The following HEMK2 variants were observed in gnomAD, a reference collection of about 807,000 sequenced individuals.
HEMK2 encodes HemK methyltransferase 2, ETF1 glutamine and histone H4 lysine.
the HEMK2 span, among the ~76,000 whole-genome samples, chr21:28,584,124 T>C: frequency 2.6e-5 from 4 of 152,146 alleles, no homozygotes; most frequent in South Asian, 2.1e-4. Flanking sequence ...TCAAAAATAT[T>C]CCAATTTTGC....
At chr21:28,606,194 G>T in the HEMK2 span, among the ~76,000 whole-genome samples, 1 of 152,046 alleles carries the variant, frequency 6.6e-6, no homozygotes, top group South Asian at 2.1e-4. Flanking sequence ...CAAGCCCCAA[G>T]CATTCAAAAT....
the HEMK2 span, among the ~76,000 whole-genome samples, chr21:28,734,384 C>T: frequency 2.0e-5 from 3 of 152,126 alleles, no homozygotes; most frequent in Non-Finnish European, 4.4e-5. Context: ...CTGCTTTCAA[C>T]TATAATCAGA....
chr21:28,608,292 A>G, the HEMK2 span, among the ~76,000 whole-genome samples: 1 of 152,154 alleles, frequency 6.6e-6, no homozygotes, highest in South Asian at 2.1e-4. Flanking sequence ...CCAATTTTAA[A>G]ATTTTCACTT....
chr21:28,721,937 CATA>C, the HEMK2 span, among the ~76,000 whole-genome samples: 2 of 131,646 alleles, frequency 1.5e-5, no homozygotes, highest in East Asian at 2.6e-4. Context: ...CACACACACA[CATA>C]CACCTATTTG....
chr21:28,870,009 A>G, the HEMK2 span, among the ~76,000 whole-genome samples: 23 of 151,594 alleles, frequency 1.5e-4, no homozygotes, highest in African/African-American at 5.3e-4. Context: ...AGTCATCCTT[A>G]CCTCCTCTCA....
At chr21:28,584,377 GAC>G in the HEMK2 span, among the ~76,000 whole-genome samples, 2 of 152,100 alleles carry the variant, frequency 1.3e-5, no homozygotes, top group Non-Finnish European at 2.9e-5. Context: ...GTACATTGAG[GAC>G]AGTTATAGTT....
chr21:28,808,512 T>A, the HEMK2 span, among the ~76,000 whole-genome samples: 1 of 152,014 alleles, frequency 6.6e-6, no homozygotes, highest in African/African-American at 2.4e-5. Flanking sequence ...AATGTTTCAA[T>A]CCATGAACAT....
chr21:28,827,620 C>T, the HEMK2 span, among the ~76,000 whole-genome samples: 9 of 152,328 alleles, frequency 5.9e-5, 2 homozygotes, highest in African/African-American at 2.2e-4. Context: ...TACCCTCAGT[C>T]TGTCAATGAT....
the HEMK2 span, among the ~76,000 whole-genome samples, chr21:28,608,385 C>A: frequency 1.6e-5 from 2 of 124,976 alleles, no homozygotes; most frequent in Non-Finnish European, 1.7e-5. Context: ...ACGTTTTCAA[C>A]TTCAAAAAAA....
At chr21:28,765,061 C>T in the HEMK2 span, among the ~76,000 whole-genome samples, 1 of 152,066 alleles carries the variant, frequency 6.6e-6, no homozygotes, top group Non-Finnish European at 1.5e-5. Flanking sequence ...AATTACATTA[C>T]ATAAGATTCT....
chr21:28,603,551 G>A, the HEMK2 span, among the ~76,000 whole-genome samples: 7 of 93,802 alleles, frequency 7.5e-5, no homozygotes, highest in South Asian at 3.1e-4. Flanking sequence ...GGATATATAT[G>A]TGTGTGTGTG....
the HEMK2 span, among the ~76,000 whole-genome samples, chr21:28,719,349 T>A: frequency 6.6e-6 from 1 of 152,196 alleles, no homozygotes; most frequent in Non-Finnish European, 1.5e-5. Flanking sequence ...CAGGTGGAGA[T>A]AACTGAATCA....
At chr21:28,586,355 T>G in the HEMK2 span, among the ~76,000 whole-genome samples, 1 of 152,190 alleles carries the variant, frequency 6.6e-6, no homozygotes, top group Non-Finnish European at 1.5e-5. Context: ...AAACTGGTGT[T>G]AAAATAAAGC....
At chr21:28,609,636 G>T in the HEMK2 span, among the ~76,000 whole-genome samples, 1 of 141,234 alleles carries the variant, frequency 7.1e-6, no homozygotes, top group Non-Finnish European at 1.5e-5. Context: ...GAAAGGTGAA[G>T]TCCAACTTAA....
the HEMK2 span, among the ~76,000 whole-genome samples, chr21:28,742,033 G>A: frequency 2.0e-5 from 3 of 152,148 alleles, no homozygotes; most frequent in East Asian, 1.9e-4. Flanking sequence ...AGGAGGTGAC[G>A]GCAAACTATC....
At chr21:28,858,380 A>T in the HEMK2 span, among the ~76,000 whole-genome samples, 25,928 of 152,060 alleles carry the variant, frequency 0.17, 2,729 homozygotes, top group East Asian at 0.49. Context: ...AACCTTGGGA[A>T]GCTTCTACTT....
the HEMK2 span, among the ~76,000 whole-genome samples, chr21:28,614,718 C>T: frequency 6.6e-6 from 1 of 152,146 alleles, no homozygotes; most frequent in South Asian, 2.1e-4. Context: ...TAGATGACAT[C>T]TGATTCAAAT....
chr21:28,877,211 G>A, the HEMK2 span, among the ~76,000 whole-genome samples: 1 of 103,760 alleles, frequency 9.6e-6, no homozygotes, highest in Non-Finnish European at 2.0e-5. Context: ...AGGGAAGGGA[G>A]AGAAAGGAAG....
chr21:28,721,432 G>A, the HEMK2 span, among the ~76,000 whole-genome samples: 1 of 152,060 alleles, frequency 6.6e-6, no homozygotes, highest in East Asian at 1.9e-4. Flanking sequence ...TTTTTCTATT[G>A]ATTCCATATT....
Sources: allele counts gnomAD v4.1 joint callset (sites outside exome capture counted in the v4.1 genomes callset), GRCh38; gene constraint gnomAD v4.1.1; transcripts MANE v1.5; gene names NCBI Gene and HGNC (gene_info 2026-07-23, HGNC 2026-07-21).